Variants in TIAM2 observed in about 807,000 individuals in gnomAD.
TIAM2 encodes the protein rho guanine nucleotide exchange factor TIAM2.
A neutral mutation model predicts 152.9 loss-of-function variants in TIAM2; 80 were observed. The observed-to-expected ratio is 0.52, with a 90% CI of 0.44 to 0.63. The LOEUF (loss-of-function observed/expected upper bound fraction) is 0.63, where lower values mean the gene tolerates loss of function less well. TIAM2 is among the 30% of genes least tolerant of loss of function. The probability of loss-of-function intolerance (pLI) is 0.00; values close to 1 mark genes in which losing one functional copy is unlikely to be tolerated. For synonymous variants in TIAM2, 804 were observed against 838.0 expected (o/e 0.96, Z 0.70); for missense variants, 1,965 against 2,120.1 (o/e 0.93, Z 1.44).
intron 1 of TIAM2, among the ~76,000 whole-genome samples, chr6:155,059,864 A>G (rs1298548566): frequency 6.6e-6 from 1 of 152,146 alleles, no homozygotes; most frequent in Non-Finnish European, 1.5e-5. Context: ...TCCAGCTCAC[A>G]CTCAAGTGGA....
intron 2 of TIAM2, among the ~76,000 whole-genome samples, chr6:155,108,425 G>A (rs1275929262): frequency 6.6e-6 from 1 of 152,162 alleles, no homozygotes; most frequent in East Asian, 1.9e-4. Context: ...ACTGACCGCC[G>A]CCTTCTCCGG....
intron 2 of TIAM2, among the ~76,000 whole-genome samples, chr6:155,112,351 C>T (rs775856546): frequency 6.6e-6 from 1 of 152,002 alleles, no homozygotes; most frequent in Non-Finnish European, 1.5e-5. Context: ...TCTCGAACTC[C>T]TGACCTCAGG....
At chr6:155,069,334 T>C (rs1419831373) in intron 1 of TIAM2, among the ~76,000 whole-genome samples, 2 of 152,062 alleles carry the variant, frequency 1.3e-5, no homozygotes, top group East Asian at 3.9e-4. Flanking sequence ...GCTTGAGCGA[T>C]CCTCCCACCT....
chr6:155,061,616 G>A (rs560321122), intron 1 of TIAM2, among the ~76,000 whole-genome samples: 1 of 152,152 alleles, frequency 6.6e-6, no homozygotes, highest in Non-Finnish European at 1.5e-5. Context: ...CGTCTACAGG[G>A]CAGTGTTTGT....
chr6:155,064,832 A>G (rs1236924425), intron 1 of TIAM2, among the ~76,000 whole-genome samples: 4 of 151,956 alleles, frequency 2.6e-5, no homozygotes, highest in African/African-American at 7.2e-5. Context: ...TTCCCTCCTC[A>G]TCGCCTGTAG....
rs934108500 is a variant in TIAM2, at chr6:155,156,910, G to A, written c.2029-7505G>A. Among the ~76,000 whole-genome samples, 1 of 152,032 alleles carries A rather than the reference G, an allele frequency of 6.6e-6. No individual in the cohort carries two copies. The highest frequency in any genetic ancestry group is 1.5e-5 in the Non-Finnish European group (1 of 68,000). On this transcript the variant is annotated intron_variant, in intron 7 of 26. Coordinates refer to ENST00000682666, the MANE Select transcript of TIAM2 (RefSeq NM_012454.4). The surrounding 1 kb of genome is among the most constrained non-coding windows in gnomAD (Gnocchi z 4.4). ...GACTGTCATGAAGGGTTTAGGGGTC[G>A]CTTCCTCCAAGGCGCTGTCCTTGAT...
At chr6:155,228,065 C>A (rs929095541) in intron 15 of TIAM2, among the ~76,000 whole-genome samples, 2 of 152,170 alleles carry the variant, frequency 1.3e-5, no homozygotes, top group African/African-American at 4.8e-5. Flanking sequence ...AAATCAATTT[C>A]TAGGGAGCCA....
At chr6:155,066,430 G>A (rs1413678326) in intron 1 of TIAM2, among the ~76,000 whole-genome samples, 7 of 152,238 alleles carry the variant, frequency 4.6e-5, no homozygotes, top group Non-Finnish European at 1.0e-4. Context: ...GGTTCTGCCT[G>A]TACCGTGTCA....
chr6:155,039,893 A>G (rs1562297940), intron 1 of TIAM2, among the ~76,000 whole-genome samples: 1 of 152,246 alleles, frequency 6.6e-6, no homozygotes, highest in South Asian at 2.1e-4. Context: ...CTTGACAAGT[A>G]GCTAGGAAGC....
chr6:155,142,052 C>A (rs572916863), intron 5 of TIAM2, among the ~76,000 whole-genome samples: 1 of 149,856 alleles, frequency 6.7e-6, no homozygotes, highest in African/African-American at 2.5e-5. Flanking sequence ...CCGGGGTGAA[C>A]GGCAAGGCAG....
Position 155,257,524 on chromosome 6 carries a change from T to TTTAAG in TIAM2, c.*407_*411dup, listed in dbSNP as rs895018150. 8.3e-6 allele frequency: 3 copies of TTTAAG among 360,778 alleles called. No homozygotes were observed. The highest frequency in any genetic ancestry group is 1.5e-5 in the Non-Finnish European group (3 of 199,344). 22.3% of individuals were successfully genotyped at this position (360,778 alleles called of 1,614,324 possible). On this transcript the variant is annotated 3_prime_UTR_variant, in exon 27 of 27. Transcript: ENST00000682666. ...TAGTTTTTGCTTTATTTAAAGCATA[T>TTTAAG]TTAAGTTATTTTAATGTGGTTTAGG...
chr6:155,046,098 G>A (rs1777168839), intron 1 of TIAM2, among the ~76,000 whole-genome samples: 1 of 151,774 alleles, frequency 6.6e-6, no homozygotes, highest in Non-Finnish European at 1.5e-5. Flanking sequence ...ACACTCCCGT[G>A]GAAGGAGGCT....
intron 1 of TIAM2, among the ~76,000 whole-genome samples, chr6:155,080,833 C>T (rs1357670394): frequency 6.6e-6 from 1 of 152,148 alleles, no homozygotes; most frequent in Non-Finnish European, 1.5e-5. Flanking sequence ...GGAAATAATG[C>T]TTCCCATCCT....
intron 2 of TIAM2, among the ~76,000 whole-genome samples, chr6:155,101,623 A>C (rs1411779882): frequency 6.6e-6 from 1 of 152,194 alleles, no homozygotes. Context: ...CTGAGAAGTA[A>C]AGAATATGGA....
chr6:155,062,490 C>T (rs920113894), intron 1 of TIAM2, among the ~76,000 whole-genome samples: 30 of 137,712 alleles, frequency 2.2e-4, no homozygotes, highest in African/African-American at 7.2e-4. Context: ...TTTGGAGTTA[C>T]CAGTTTATTT....
chr6:155,171,439 T>C (rs1481276657), intron 9 of TIAM2, among the ~76,000 whole-genome samples: 2 of 152,214 alleles, frequency 1.3e-5, no homozygotes, highest in African/African-American at 4.8e-5. Flanking sequence ...TTGCAGAAAT[T>C]GTGACAGCCC....
chr6:155,172,184 G>A (rs983843675), intron 9 of TIAM2, among the ~76,000 whole-genome samples: 4 of 152,118 alleles, frequency 2.6e-5, no homozygotes, highest in Non-Finnish European at 5.9e-5. Flanking sequence ...ACGTTCACTA[G>A]TCAGTCTGGA....
Position 155,174,687 on chromosome 6 carries a change from C to G in TIAM2, c.2362-2129C>G, listed in dbSNP as rs993075800. On this transcript the variant is annotated intron_variant, in intron 9 of 26. Transcript: ENST00000682666. This position sits in a 1 kb window ranked among gnomAD's most constrained non-coding sequence, Gnocchi z 4.2. ...CCCGGCCAAGTGATACAGTCTTTCTCTGATTGTCAGTAACGGTGAGAACAA... is the reference window on the plus strand; with the variant it reads ...CCCGGCCAAGTGATACAGTCTTTCTGTGATTGTCAGTAACGGTGAGAACAA... Among the ~76,000 whole-genome samples the G allele has an allele frequency of 6.6e-6, 1 of 152,296 alleles. No homozygotes were observed. Among genetic ancestry groups the G allele is most frequent in the Non-Finnish European group, 1.5e-5 (1 of 68,032 alleles).
At chr6:155,016,515 GGTATTTACATTTAA>G (rs1778588169) in intron 1 of TIAM2, among the ~76,000 whole-genome samples, 1 of 137,652 alleles carries the variant, frequency 7.3e-6, no homozygotes, top group Non-Finnish European at 1.7e-5. Context: ...ACATTTAAAT[GGTATTTACATTTAA>G]ATGGTAAATT....
Sources: gnomAD v4.1 joint callset for allele counts (sites outside exome capture counted in the v4.1 genomes callset) on GRCh38, gnomAD v4.1.1 for gene constraint, Gnocchi (gnomAD v3.1) non-coding constraint, MANE v1.5 for transcripts, NCBI Gene and HGNC (gene_info 2026-07-23, HGNC 2026-07-21) for gene names.